The following CDH12 variants were observed in gnomAD, a reference collection of about 807,000 sequenced individuals.
CDH12 encodes cadherin 12, also known as cadherin-12.
CDH12 carries 41 observed loss-of-function variants against 74.1 expected under a neutral mutation model. That is an observed-to-expected ratio of 0.55 (90% CI 0.43 to 0.72). The LOEUF (loss-of-function observed/expected upper bound fraction) is 0.72, where lower values mean the gene tolerates loss of function less well. Ranked by LOEUF, CDH12 falls within the 30% of genes least tolerant of loss-of-function variation. The pLI, the probability that CDH12 is intolerant of heterozygous loss-of-function variation, is 0.00. For synonymous variants in CDH12, 399 were observed against 355.0 expected (o/e 1.12, Z -1.39); for missense variants, 945 against 977.2 (o/e 0.97, Z 0.44).
At chr5:22,532,904 T>C (rs886280016) in intron 1 of CDH12, among the ~76,000 whole-genome samples, 1 of 151,806 alleles carries the variant, frequency 6.6e-6, no homozygotes, top group Admixed American at 6.6e-5. Flanking sequence ...ATTATTCCAC[T>C]CAATAATAAA....
intron 1 of CDH12, among the ~76,000 whole-genome samples, chr5:22,800,501 A>G (rs1748454575): frequency 6.6e-6 from 1 of 152,156 alleles, no homozygotes; most frequent in African/African-American, 2.4e-5. Flanking sequence ...TCCATTATCA[A>G]CATCCCCAAA....
chr5:22,062,231 C>G (rs1434055682), intron 5 of CDH12, among the ~76,000 whole-genome samples: 1 of 152,038 alleles, frequency 6.6e-6, no homozygotes, highest in African/African-American at 2.4e-5. Context: ...TATGAAATAA[C>G]TAGCATATTA....
At chr5:22,823,268 G>A (rs562809388) in intron 1 of CDH12, among the ~76,000 whole-genome samples, 3 of 151,380 alleles carry the variant, frequency 2.0e-5, no homozygotes, top group Admixed American at 6.6e-5. Context: ...AGCATTAGGA[G>A]TTACACCTAA....
intron 4 of CDH12, chr5:22,152,213 C>A (rs1747640081): frequency 6.6e-6 from 1 of 152,008 alleles, no homozygotes; most frequent in East Asian, 1.9e-4. Flanking sequence ...AAACCCCTAC[C>A]CTCCTTGGTT....
At chr5:22,535,148 T>C (rs1737779277) in intron 1 of CDH12, among the ~76,000 whole-genome samples, 1 of 139,928 alleles carries the variant, frequency 7.1e-6, no homozygotes, top group Non-Finnish European at 1.5e-5. Flanking sequence ...ATTTTCTTTT[T>C]TTTTTTTTTC....
intron 5 of CDH12, among the ~76,000 whole-genome samples, chr5:22,048,619 T>A (rs115900102): frequency 0.013 from 1,962 of 151,950 alleles, 39 homozygotes; most frequent in African/African-American, 0.044. Context: ...TGCTAAAATA[T>A]GGAAAAATAA....
chr5:21,889,857 T>A, intron 6 of CDH12: 3 of 985,272 alleles, frequency 3.0e-6, no homozygotes, highest in Non-Finnish European at 3.6e-6. Flanking sequence ...TGTGTTAGCA[T>A]CAGAGGGCAG....
At chr5:22,823,886 CT>C (rs1234801860) in intron 1 of CDH12, among the ~76,000 whole-genome samples, 1 of 152,130 alleles carries the variant, frequency 6.6e-6, no homozygotes. Flanking sequence ...AATTAAATCT[CT>C]TTTCTTTATA....
intron 1 of CDH12, among the ~76,000 whole-genome samples, chr5:22,723,553 C>CA (rs770192769): frequency 3.9e-5 from 6 of 152,044 alleles, no homozygotes; most frequent in Non-Finnish European, 8.8e-5. Context: ...ACAGACAACA[C>CA]AAAAACATTC....
At chr5:22,664,981 T>C (rs369894525) in intron 1 of CDH12, among the ~76,000 whole-genome samples, 1 of 152,300 alleles carries the variant, frequency 6.6e-6, no homozygotes, top group East Asian at 1.9e-4. Flanking sequence ...GGGGTCTCAC[T>C]ATATTGCCCA....
At chr5:22,533,152 A>G (rs1737669608) in intron 1 of CDH12, among the ~76,000 whole-genome samples, 1 of 151,918 alleles carries the variant, frequency 6.6e-6, no homozygotes, top group Non-Finnish European at 1.5e-5. Context: ...AGTGGTTCTC[A>G]ACAGGGAGAG....
intron 1 of CDH12, among the ~76,000 whole-genome samples, chr5:22,549,525 G>A (rs1182023189): frequency 6.6e-6 from 1 of 151,658 alleles, no homozygotes; most frequent in African/African-American, 2.4e-5. Flanking sequence ...TTGTTTCTGA[G>A]TTAAATAATA....
chr5:22,355,651 G>T (rs981917909), intron 3 of CDH12, among the ~76,000 whole-genome samples: 63 of 152,064 alleles, frequency 4.1e-4, no homozygotes, highest in African/African-American at 1.5e-3. Flanking sequence ...CTGTGCTAAG[G>T]AAGAGTGACC....
intron 11 of CDH12, among the ~76,000 whole-genome samples, chr5:21,775,650 T>G (rs1745545423): frequency 6.6e-6 from 1 of 152,154 alleles, no homozygotes; most frequent in Non-Finnish European, 1.5e-5. Flanking sequence ...TGATTTTCTT[T>G]TTTTTAATAT....
chr5:22,291,050 G>A (rs879323535), intron 3 of CDH12, among the ~76,000 whole-genome samples: 11 of 152,176 alleles, frequency 7.2e-5, no homozygotes, highest in Non-Finnish European at 8.8e-5. Context: ...CCAGGGATGC[G>A]AGGATGATTC....
At chr5:22,080,791 C>CT (rs922085740) in intron 4 of CDH12, among the ~76,000 whole-genome samples, 5 of 150,370 alleles carry the variant, frequency 3.3e-5, no homozygotes, top group South Asian at 2.1e-4. Context: ...TTTTCTTTTT[C>CT]TTTTTTTTGA....
intron 8 of CDH12, among the ~76,000 whole-genome samples, chr5:21,823,737 A>T (rs2149955248): frequency 6.6e-6 from 1 of 152,084 alleles, no homozygotes; most frequent in South Asian, 2.1e-4. Context: ...TCAGTTGGTG[A>T]CCTTGCCTTG....
intron 3 of CDH12, among the ~76,000 whole-genome samples, chr5:22,287,655 G>A (rs1156314966): frequency 5.3e-5 from 8 of 150,226 alleles, no homozygotes; most frequent in African/African-American, 1.2e-4. Flanking sequence ...CCTGGGAGGC[G>A]GAGCTTGCAG....
At chr5:22,623,807 A>G (rs1278052564) in intron 1 of CDH12, among the ~76,000 whole-genome samples, 2 of 152,226 alleles carry the variant, frequency 1.3e-5, no homozygotes, top group Admixed American at 1.3e-4. Flanking sequence ...AGAATTGGAA[A>G]AAACTACTTT....
Sources: allele counts gnomAD v4.1 joint callset (sites outside exome capture counted in the v4.1 genomes callset), GRCh38; gene constraint gnomAD v4.1.1; transcripts MANE v1.5; gene names NCBI Gene and HGNC (gene_info 2026-07-23, HGNC 2026-07-21).